The following HK2 variants were observed in gnomAD, a reference collection of about 807,000 sequenced individuals.
The protein encoded by HK2 is hexokinase 2.
In HK2, 42 loss-of-function variants were observed where a neutral mutation model predicts 92.9. The observed-to-expected ratio is 0.45, with a 90% CI of 0.35 to 0.58. HK2 has a LOEUF of 0.58. Ranked by LOEUF, HK2 falls within the 20% of genes least tolerant of loss-of-function variation. HK2 has a pLI of 0.00. For missense variants in HK2, 978 were observed against 1,245.1 expected (o/e 0.79, Z 3.23); for synonymous variants, 422 against 468.0 (o/e 0.90, Z 1.27).
intron 1 of HK2, among the ~76,000 whole-genome samples, chr2:74,836,131 A>T (rs1367929574): frequency 6.6e-6 from 1 of 152,168 alleles, no homozygotes; most frequent in East Asian, 1.9e-4. Flanking sequence ...GATCTTGGTA[A>T]CTTCTCAACT....
chr2:74,876,807 A>C lies in HK2; in HGVS notation c.876-359A>C, dbSNP rs115504707. On this transcript the variant is annotated intron_variant, in intron 7 of 17. Coordinates refer to ENST00000290573, the MANE Select transcript of HK2 (RefSeq NM_000189.5). ...CTTGTAAATAAATATTGGGCTATGT[A>C]AGATATTAATTTTAAAAATGATTTC... is the stretch of plus-strand genomic sequence containing the variant. Among the ~76,000 whole-genome samples, 416 of 152,288 alleles carry C rather than the reference A, an allele frequency of 2.7e-3. 1 individual carries two copies. The highest frequency in any genetic ancestry group is 9.9e-3 in the African/African-American group (411 of 41,552).
At chr2:74,888,388 G>A (rs925860745) in intron 16 of HK2, among the ~76,000 whole-genome samples, 1 of 152,232 alleles carries the variant, frequency 6.6e-6, no homozygotes, top group Non-Finnish European at 1.5e-5. Flanking sequence ...ACCTATTAAA[G>A]CATCCACACT....
At chr2:74,835,834 C>A (rs533731450) in intron 1 of HK2, among the ~76,000 whole-genome samples, 3 of 152,192 alleles carry the variant, frequency 2.0e-5, no homozygotes, top group Non-Finnish European at 4.4e-5. Context: ...CTGATGGGAA[C>A]ACATTTTTGG....
chr2:74,880,598 C>T (rs540773896), intron 10 of HK2, 29 bp downstream of exon 10: 2 of 1,606,670 alleles, frequency 1.2e-6, no homozygotes, highest in Non-Finnish European at 1.7e-6. Flanking sequence ...ACCTGGCTCA[C>T]ATGGTGGGCC....
At chr2:74,878,660 GC>G in intron 8 of HK2, 27 bp from the exon 9 acceptor site, 1 of 1,544,584 alleles carries the variant, frequency 6.5e-7, no homozygotes. Context: ...TCAGACACAG[GC>G]CCACATGCTA....
intron 7 of HK2, 108 bp from the exon 8 acceptor site, chr2:74,877,058 T>A: frequency 6.9e-7 from 1 of 1,454,734 alleles, no homozygotes; most frequent in Non-Finnish European, 9.6e-7. Context: ...GCTGCACACA[T>A]TAACCCTTAG....
intron 1 of HK2, among the ~76,000 whole-genome samples, chr2:74,850,782 G>A (rs1023586609): frequency 2.6e-5 from 4 of 152,196 alleles, no homozygotes; most frequent in African/African-American, 9.7e-5. Context: ...TACCAACACA[G>A]CAGTGCCTAC....
intron 1 of HK2, among the ~76,000 whole-genome samples, chr2:74,853,213 T>C (rs1039434032): frequency 6.6e-6 from 1 of 152,054 alleles, no homozygotes; most frequent in Non-Finnish European, 1.5e-5. Flanking sequence ...AGTCCAGACC[T>C]TACCATAAGA....
intron 1 of HK2, among the ~76,000 whole-genome samples, chr2:74,850,550 A>G (rs3771784): frequency 0.18 from 26,854 of 152,000 alleles, 2,955 homozygotes; most frequent in East Asian, 0.32. Flanking sequence ...TTTCCTTTCT[A>G]TGGATGAATA....
Position 74,877,162 on chromosome 2 carries a change from G to T in HK2, c.876-4G>T. On this transcript the variant is annotated splice_polypyrimidine_tract_variant and splice_region_variant and intron_variant, in intron 7 of 17. Transcript: ENST00000290573. ...TTATGTTTTTGGTTTGTGTCTTCCG[G>T]CAGGTTTGAGAAGATGATCAGTGGG... 6.2e-7 allele frequency: 1 copy of T among 1,613,924 alleles called. No homozygotes were observed. Among genetic ancestry groups the T allele is most frequent in the Non-Finnish European group, 8.5e-7 (1 of 1,180,028 alleles).
At chr2:74,862,389 C>T (rs898787674) in intron 2 of HK2, among the ~76,000 whole-genome samples, 3 of 152,202 alleles carry the variant, frequency 2.0e-5, no homozygotes, top group Admixed American at 6.5e-5. Flanking sequence ...CAGTCCTCTC[C>T]GAGGCTTGGT....
intron 1 of HK2, among the ~76,000 whole-genome samples, chr2:74,846,487 C>G (rs1014119981): frequency 5.3e-5 from 8 of 152,188 alleles, no homozygotes; most frequent in African/African-American, 1.9e-4. Context: ...CAGCATAGGT[C>G]TGTTTTTGTA....
At chr2:74,864,593 A>G (rs1558796035) in intron 2 of HK2, among the ~76,000 whole-genome samples, 1 of 151,884 alleles carries the variant, frequency 6.6e-6, no homozygotes, top group Non-Finnish European at 1.5e-5. Flanking sequence ...TGCAACCTCC[A>G]CTTCCTGGGT....
chr2:74,886,814 T>C (rs1224477057), intron 15 of HK2, 141 bp downstream of exon 15: 1 of 881,652 alleles, frequency 1.1e-6, no homozygotes, highest in East Asian at 2.6e-5. Flanking sequence ...AAGGGTTTCT[T>C]GTCGAATGCA....
chr2:74,873,714 G>A, intron 5 of HK2, 130 bp from the exon 6 acceptor site: 1 of 708,680 alleles, frequency 1.4e-6, no homozygotes, highest in Middle Eastern at 3.3e-4. Flanking sequence ...ATCACAGGAG[G>A]AGTTATGGGG....
chr2:74,862,117 A>T (rs1418762811), intron 2 of HK2, among the ~76,000 whole-genome samples: 1 of 152,218 alleles, frequency 6.6e-6, no homozygotes, highest in Non-Finnish European at 1.5e-5. Flanking sequence ...TGTTTGAGCT[A>T]TCTCATCATT....
rs1688107362 is a variant in HK2 at position 74,834,717 on chromosome 2, C to T, written c.63+74C>T. 6.0e-6 allele frequency: 9 copies of T among 1,505,388 alleles called. No homozygotes were observed. In the South Asian group the frequency reaches 1.0e-4, roughly 17 times the overall value. The allele number at this position is 1,505,388 out of a possible 1,614,324, so 93.3% of individuals were successfully genotyped here. Reference sequence around the variant, plus strand: ...TGGCCTCCATCAGTCTCTTCCTCGACCCTGCGGGGACCCGCTTCCTCCCTA... The same window carrying T: ...TGGCCTCCATCAGTCTCTTCCTCGATCCTGCGGGGACCCGCTTCCTCCCTA... On this transcript the variant is annotated intron_variant, in intron 1 of 17. Coordinates refer to ENST00000290573, the MANE Select transcript of HK2 (RefSeq NM_000189.5). This position sits in a 1 kb window ranked among gnomAD's most constrained non-coding sequence, Gnocchi z 4.2.
rs112090931 is a variant in HK2, at chr2:74,855,451, T to G, written c.226+996T>G. On this transcript the variant is annotated intron_variant, in intron 2 of 17. Coordinates refer to ENST00000290573, the MANE Select transcript of HK2 (RefSeq NM_000189.5). ...GTGGCGTGATCTCCATTAGCCAGAA[T>G]GGTCTATATCTTTTGACCTCGTACC... Among the ~76,000 whole-genome samples the G allele has an allele frequency of 3.3e-5, 5 of 152,308 alleles. 1 individual carries two copies. The highest frequency in any genetic ancestry group is 1.2e-4 in the African/African-American group (5 of 41,572).
At chr2:74,837,526 CTTTCTGGAGCCAGACTGGATCA>C (rs1451614474) in intron 1 of HK2, among the ~76,000 whole-genome samples, 1 of 152,188 alleles carries the variant, frequency 6.6e-6, no homozygotes, top group Non-Finnish European at 1.5e-5. Context: ...CCCTAAAACT[CTTTCTGGAGCCAGACTGGATCA>C]TTTCAGGAGC....
Sources: allele counts gnomAD v4.1 joint callset (sites outside exome capture counted in the v4.1 genomes callset), GRCh38; gene constraint gnomAD v4.1.1; non-coding constraint Gnocchi (gnomAD v3.1); transcripts MANE v1.5; gene names NCBI Gene and HGNC (gene_info 2026-07-23, HGNC 2026-07-21).